The following VWF variants were observed in gnomAD, a reference collection of about 807,000 sequenced individuals.
VWF encodes the protein Factor VIII related antigen.
In VWF, 176 loss-of-function variants were observed where a neutral mutation model predicts 308.6. The observed-to-expected ratio is 0.57, with a 90% CI of 0.50 to 0.65. The LOEUF (loss-of-function observed/expected upper bound fraction) is 0.65, where lower values mean the gene tolerates loss of function less well. VWF is among the 30% of genes least tolerant of loss of function. VWF has a pLI of 0.00. For missense variants in VWF, 3,146 were observed against 3,648.2 expected, an observed-to-expected ratio of 0.86 and a Z score of 3.55; for synonymous variants, 1,385 against 1,443.4, an observed-to-expected ratio of 0.96 and a Z score of 0.92.
intron 13 of VWF, among the ~76,000 whole-genome samples, chr12:6,061,582 C>T (rs1007388544): frequency 2.0e-5 from 3 of 152,060 alleles, no homozygotes; most frequent in Non-Finnish European, 4.4e-5. Context: ...TGGGTGAAAC[C>T]TGCCACCCTG....
intron 18 of VWF, among the ~76,000 whole-genome samples, chr12:6,043,956 T>C (rs1462515909): frequency 6.6e-6 from 1 of 152,184 alleles, no homozygotes; most frequent in Non-Finnish European, 1.5e-5. Context: ...AGGCGGCCCC[T>C]GGGAAAATTC....
intron 10 of VWF, among the ~76,000 whole-genome samples, chr12:6,068,486 T>C (rs1944743491): frequency 6.6e-6 from 1 of 152,024 alleles, no homozygotes; most frequent in East Asian, 1.9e-4. Context: ...TTTTTTTTTT[T>C]CCTGAGACAG....
intron 5 of VWF, 80 bp downstream of exon 5, chr12:6,110,294 G>A (rs920897439): frequency 6.9e-6 from 10 of 1,439,262 alleles, no homozygotes; most frequent in Non-Finnish European, 9.8e-6. Context: ...GCCAGGGAAG[G>A]CATGTTAGTG....
At chr12:6,021,834 C>G (rs944968009) in intron 27 of VWF, 66 bp downstream of exon 27, 12 of 1,610,708 alleles carry the variant, frequency 7.5e-6, no homozygotes, top group Non-Finnish European at 1.0e-5. Context: ...AAAACCTAGT[C>G]TCTAAGCTGG....
intron 43 of VWF, 67 bp downstream of exon 43, chr12:5,976,044 C>G: frequency 6.2e-7 from 1 of 1,608,830 alleles, no homozygotes; most frequent in Non-Finnish European, 8.5e-7. Context: ...CTTACCCTTC[C>G]TAAGATGCCC....
rs1166400139 is a variant in VWF at position 6,021,910 on chromosome 12, A to G, written c.3664T>C (p.Cys1222Arg). 1 of 1,614,220 alleles carries G rather than the reference A, an allele frequency of 6.2e-7. No individual in the cohort carries two copies. The highest frequency in any genetic ancestry group is 2.2e-5 in the East Asian group (1 of 44,880). ...VTLNPSDPEH[C>R]QICHCDVVNL... ...AGGAATCTGTTTTACCAAATCTGGC[A>G]GTGCTCAGGGTCACTGGGATTCAAG... The change falls in exon 27 of 52, where the codon TGC becomes CGC. Residue 1222 changes from cysteine (C) to arginine (R), a missense_variant. Coordinates refer to ENST00000261405, the MANE Select transcript of VWF (RefSeq NM_000552.5).
In VWF at chr12:5,976,158, G is replaced by A. The variant is rs61751286; in HGVS notation, c.7390C>T (p.Arg2464Cys). 324 of 1,614,086 alleles carry A rather than the reference G, an allele frequency of 2.0e-4. No homozygotes were observed. Among genetic ancestry groups the A allele is most frequent in the Middle Eastern group, 5.0e-4 (3 of 6,038 alleles). Residue 2464 changes from arginine to cysteine, a missense_variant, in exon 43 of 52, where the codon CGC becomes TGC. Transcript: ENST00000261405. ...GGCTTCTGGGAGCACTGGGCCACGC[G>A]GAGGCCCATCACGGCATCCTCCATG... is the stretch of plus-strand genomic sequence containing the variant. ...TDMEDAVMGL[R>C]VAQCSQKPCE...
chr12:6,019,209 G>A lies in VWF; in HGVS notation c.4209C>T (p.Gly1403=), dbSNP rs1428918507. ...TCACAATGACCTTCTTCTTCTTCAG[G>A]CCCTGGACGTAGCGGACAAAGTTCC... ...MSRNFVRYVQ[G]LKKKKVIVIP... is the part of the protein sequence containing the mutation. Residue 1403 remains glycine, a synonymous_variant, in exon 28 of 52, where the codon GGC becomes GGT. Transcript: ENST00000261405. The surrounding 1 kb of genome is among the most constrained non-coding windows in gnomAD (Gnocchi z 5.8). 6.2e-7 allele frequency: 1 copy of A among 1,613,768 alleles called. No individual in the cohort carries two copies. Among genetic ancestry groups the A allele is most frequent in the Non-Finnish European group, 8.5e-7 (1 of 1,179,866 alleles).
Position 6,018,512 on chromosome 12 carries a change from C to G in VWF, c.4906G>C (p.Val1636Leu). ...VPIGVGPNAN[V>L]QELERIGWPN... ...CAGCCAATCCTCTCCAGCTCCTGCA[C>G]GTTGGCATTAGGGCCCACTCCAATG... The change falls in exon 28 of 52, where the codon GTG becomes CTG. Residue 1636 changes from valine (V) to leucine (L), a missense_variant. Physicochemically the swap from Val to Leu is conservative, Grantham distance 32. Coordinates refer to ENST00000261405, the MANE Select transcript of VWF (RefSeq NM_000552.5). 2 of 1,613,932 alleles carry G rather than the reference C, an allele frequency of 1.2e-6. No individual in the cohort carries two copies. Among genetic ancestry groups the G allele is most frequent in the Non-Finnish European group, 1.7e-6 (2 of 1,179,944 alleles).
intron 32 of VWF, among the ~76,000 whole-genome samples, chr12:6,012,556 G>A (rs532893751): frequency 6.6e-6 from 1 of 152,214 alleles, no homozygotes; most frequent in South Asian, 2.1e-4. Flanking sequence ...CTTGCATAGA[G>A]TTATTGCCCT....
intron 3 of VWF, among the ~76,000 whole-genome samples, chr12:6,111,375 C>A (rs531938769): frequency 6.6e-6 from 1 of 152,226 alleles, no homozygotes; most frequent in Non-Finnish European, 1.5e-5. Context: ...TTTATTCATT[C>A]ATTCATTCAC....
intron 3 of VWF, 89 bp from the exon 4 acceptor site, chr12:6,111,057 T>C: frequency 7.8e-7 from 1 of 1,278,850 alleles, no homozygotes; most frequent in Non-Finnish European, 1.1e-6. Context: ...CGTAACCTTT[T>C]CTCAGCAGAA....
At chr12:6,003,408 A>G (rs56008400) in intron 34 of VWF, among the ~76,000 whole-genome samples, 26,237 of 152,100 alleles carry the variant, frequency 0.17, 2,754 homozygotes, top group African/African-American at 0.29. Flanking sequence ...AAAGTACAGC[A>G]TTATAACTTT....
rs755292966 is a variant in VWF at position 6,018,387 on chromosome 12, G to A, written c.5031C>T (p.Ile1677=). Residue 1677 remains isoleucine (I), a synonymous_variant, in exon 28 of 52, where the codon ATC becomes ATT. Coordinates refer to ENST00000261405, the MANE Select transcript of VWF (RefSeq NM_000552.5). ...QRCCSGEGLQ[I]PTLSPAPDCS... ...TACCAGGTGCAGGGGAGAGGGTGGG[G>A]ATCTGCAGCCCCTCTCCGGAGCAGC... The A allele has an allele frequency of 3.1e-6, 5 of 1,611,696 alleles. No individual in the cohort carries two copies. In the African/African-American group the frequency reaches 6.7e-5, roughly 22 times the overall value.
intron 6 of VWF, among the ~76,000 whole-genome samples, chr12:6,090,616 TCC>T (rs1945023011): frequency 2.0e-5 from 2 of 98,576 alleles, no homozygotes; most frequent in Non-Finnish European, 4.1e-5. Flanking sequence ...CTCCTCCTCC[TCC>T]TCCTCCTCCT....
Position 6,101,940 on chromosome 12 carries a change from T to C in VWF, c.533-6356A>G, listed in dbSNP as rs537400527. On this transcript the variant is annotated intron_variant, in intron 5 of 51. Transcript: ENST00000261405. The stretch of plus-strand genomic sequence containing the variant: ...CTGTAATCCCAGCACTTTGGCTTTT[T>C]AGAAAATTAAGCTTTTGGGTCATGT... Among the ~76,000 whole-genome samples the C allele has an allele frequency of 3.3e-5, 5 of 151,940 alleles. No individual in the cohort carries two copies. In the South Asian group the frequency reaches 1.0e-3, roughly 32 times the overall value.
intron 32 of VWF, among the ~76,000 whole-genome samples, 197 bp downstream of exon 32, chr12:6,013,283 CT>C (rs1476018153): frequency 1.3e-5 from 2 of 152,198 alleles, no homozygotes; most frequent in African/African-American, 4.8e-5. Flanking sequence ...AAGCTTTCTG[CT>C]GGCCCCATGG....
At chr12:6,118,812 C>G (rs1358879450) in intron 3 of VWF, among the ~76,000 whole-genome samples, 1 of 152,188 alleles carries the variant, frequency 6.6e-6, no homozygotes, top group African/African-American at 2.4e-5. Flanking sequence ...TAAATAAAAT[C>G]TGGGGTCACC....
chr12:6,081,332 G>GTTTTTT (rs150420125), intron 6 of VWF, among the ~76,000 whole-genome samples: 1 of 149,978 alleles, frequency 6.7e-6, no homozygotes, highest in African/African-American at 2.5e-5. Flanking sequence ...GGCCAGTGGT[G>GTTTTTT]TTTTTTGTTT....
Sources: allele counts gnomAD v4.1 joint callset (sites outside exome capture counted in the v4.1 genomes callset), GRCh38; gene constraint gnomAD v4.1.1; non-coding constraint Gnocchi (gnomAD v3.1); transcripts MANE v1.5; gene names NCBI Gene and HGNC (gene_info 2026-07-23, HGNC 2026-07-21).